ST7: variants seen among roughly 807,000 people sequenced by gnomAD.
ST7 encodes suppressor of tumorigenicity 7 protein.
Under a neutral mutation model 78.7 loss-of-function variants are expected in ST7, and 28 were observed. The ratio of observed to expected loss-of-function variants is 0.36; its 90% confidence interval spans 0.26 to 0.49. The LOEUF (loss-of-function observed/expected upper bound fraction) is 0.49. ST7 is among the 20% of genes least tolerant of loss of function. ST7 has a pLI of 0.99. For synonymous variants in ST7, 247 were observed against 249.6 expected, an observed-to-expected ratio of 0.99 and a Z score of 0.10; for missense variants, 418 against 696.0, an observed-to-expected ratio of 0.60 and a Z score of 4.49.
chr7:117,045,252 T>G (rs1797434517), intron 1 of ST7, among the ~76,000 whole-genome samples: 1 of 152,146 alleles, frequency 6.6e-6, no homozygotes, highest in Non-Finnish European at 1.5e-5. Flanking sequence ...ACTCTTCTGC[T>G]TAAACCCTCC....
At chr7:117,069,848 T>C (rs879813450) in intron 1 of ST7, among the ~76,000 whole-genome samples, 5 of 152,218 alleles carry the variant, frequency 3.3e-5, no homozygotes, top group Non-Finnish European at 7.3e-5. Flanking sequence ...TAGGAACGGA[T>C]GCCCTTGGCA....
chr7:117,177,911 T>C lies in ST7; in HGVS notation c.1078+6935T>C, dbSNP rs185315441. 7.2e-5 allele frequency among the ~76,000 whole-genome samples: 11 copies of C among 152,324 alleles called. No homozygotes were observed. In the East Asian group the frequency reaches 2.1e-3, roughly 29 times the overall value. ...ATAAACAAGTAAATTGAGAAATTAA[T>C]CACATAATGGGACAGTAAGAACACA... On this transcript the variant is annotated intron_variant, in intron 10 of 15. Coordinates refer to ENST00000323984, the MANE Select transcript of ST7 (RefSeq NM_001369598.1).
intron 12 of ST7, among the ~76,000 whole-genome samples, chr7:117,200,641 A>G (rs1253527246): frequency 6.6e-6 from 1 of 152,098 alleles, no homozygotes; most frequent in Non-Finnish European, 1.5e-5. Context: ...CCACACTCCC[A>G]GCACTCATTT....
chr7:117,112,998 G>A (rs1281676608), intron 2 of ST7, among the ~76,000 whole-genome samples: 1 of 152,158 alleles, frequency 6.6e-6, no homozygotes, highest in Non-Finnish European at 1.5e-5. Flanking sequence ...TCAGCATTTG[G>A]GTAGAACAGA....
intron 9 of ST7, among the ~76,000 whole-genome samples, chr7:117,147,572 G>A (rs1000886512): frequency 7.9e-5 from 12 of 151,418 alleles, no homozygotes; most frequent in African/African-American, 2.7e-4. Flanking sequence ...TTTTCATTTT[G>A]TATTTTATTT....
At chr7:117,212,076 C>A (rs565610180) in intron 13 of ST7, among the ~76,000 whole-genome samples, 1 of 152,296 alleles carries the variant, frequency 6.6e-6, no homozygotes, top group South Asian at 2.1e-4. Context: ...CACTGCCATT[C>A]AGTTTTCACA....
At chr7:116,967,484 C>T in intron 1 of ST7, 1 of 454,646 alleles carries the variant, frequency 2.2e-6, no homozygotes, top group Non-Finnish European at 4.6e-6. Context: ...GTCTACAGCT[C>T]TAGCGGGTCC....
At chr7:117,002,813 C>CTTTTTTTTTTTTTTTTTTTTTTTTT (rs397970060) in intron 1 of ST7, among the ~76,000 whole-genome samples, 1 of 72,148 alleles carries the variant, frequency 1.4e-5, no homozygotes, top group Non-Finnish European at 2.4e-5. Flanking sequence ...ATTTTTTTTC[C>CTTTTTTTTTTTTTTTTTTTTTTTTT]TTTTTTTTTT....
chr7:116,989,293 AC>A (rs986443950), intron 1 of ST7, among the ~76,000 whole-genome samples: 2 of 152,084 alleles, frequency 1.3e-5, no homozygotes, highest in African/African-American at 4.8e-5. Context: ...AGCTCGTGCT[AC>A]CCTTTTGGAC....
intron 2 of ST7, among the ~76,000 whole-genome samples, chr7:117,117,186 A>G (rs1802956299): frequency 6.6e-6 from 1 of 152,204 alleles, no homozygotes; most frequent in Admixed American, 6.5e-5. Flanking sequence ...TGGACTCTAC[A>G]TAGTCCTTTA....
At chr7:117,071,483 C>G (rs1166419608) in intron 1 of ST7, among the ~76,000 whole-genome samples, 4 of 152,196 alleles carry the variant, frequency 2.6e-5, no homozygotes, top group Non-Finnish European at 5.9e-5. Flanking sequence ...AAAAAGTTAT[C>G]TGGGATCTTT....
intron 12 of ST7, among the ~76,000 whole-genome samples, chr7:117,202,761 T>C (rs1810996062): frequency 6.6e-6 from 1 of 152,196 alleles, no homozygotes; most frequent in Non-Finnish European, 1.5e-5. Flanking sequence ...ATTTCCAAAC[T>C]GTCCTCCTAG....
At chr7:117,229,652 G>A (rs1793666069) in intron 15 of ST7, 110 bp from the exon 16 acceptor site, 1 of 869,110 alleles carries the variant, frequency 1.2e-6, no homozygotes, top group Non-Finnish European at 1.8e-6. Flanking sequence ...GTTGCCTTTT[G>A]AGACTTTCGT....
At chr7:117,021,909 T>G (rs1795937160) in intron 1 of ST7, among the ~76,000 whole-genome samples, 1 of 152,192 alleles carries the variant, frequency 6.6e-6, no homozygotes, top group South Asian at 2.1e-4. Flanking sequence ...TCACTAAGTG[T>G]CAAAGACCAT....
intron 1 of ST7, among the ~76,000 whole-genome samples, chr7:116,977,994 T>C (rs1051335222): frequency 5.3e-5 from 8 of 152,210 alleles, no homozygotes; most frequent in African/African-American, 1.9e-4. Context: ...TCCTCTGGCT[T>C]CTACTTCTCA....
intron 7 of ST7, 114 bp downstream of exon 7, chr7:117,134,306 G>A (rs116875920): frequency 6.7e-7 from 1 of 1,492,214 alleles, no homozygotes; most frequent in Non-Finnish European, 9.1e-7. Context: ...TGTGTATTGT[G>A]TTGTGACAAG....
At chr7:117,019,606 G>A (rs1035686539) in intron 1 of ST7, among the ~76,000 whole-genome samples, 1 of 152,194 alleles carries the variant, frequency 6.6e-6, no homozygotes, top group African/African-American at 2.4e-5. Flanking sequence ...CTAGAGCAGC[G>A]TTTTTCACAT....
At chr7:116,973,189 T>C (rs977415562) in intron 1 of ST7, among the ~76,000 whole-genome samples, 1 of 152,102 alleles carries the variant, frequency 6.6e-6, no homozygotes, top group Non-Finnish European at 1.5e-5. Context: ...GAGAATTTCC[T>C]TACTTTTTAG....
chr7:117,197,508 C>T (rs958983485), intron 12 of ST7, among the ~76,000 whole-genome samples: 2 of 152,052 alleles, frequency 1.3e-5, no homozygotes, highest in Non-Finnish European at 2.9e-5. Context: ...GAACTACTTG[C>T]CAAAAAAGAT....
Sources: allele counts gnomAD v4.1 joint callset (sites outside exome capture counted in the v4.1 genomes callset), GRCh38; gene constraint gnomAD v4.1.1; transcripts MANE v1.5; gene names NCBI Gene and HGNC (gene_info 2026-07-23, HGNC 2026-07-21).